PTCSC3: variants seen among roughly 807,000 people sequenced by gnomAD.
The protein encoded by PTCSC3 is papillary thyroid carcinoma susceptibility candidate 3, also known as papillary thyroid carcinoma susceptibility candidate 3 (non-protein coding).
intron 1 of PTCSC3, among the ~76,000 whole-genome samples, chr14:36,172,352 A>T (rs1882207117): frequency 1.3e-5 from 2 of 152,158 alleles, no homozygotes; most frequent in Admixed American, 1.3e-4. Context: ...ATTAGAATTT[A>T]AAAATTTGTA....
At chr14:36,175,342 A>G (rs1051770626) in intron 1 of PTCSC3, among the ~76,000 whole-genome samples, 3 of 152,100 alleles carry the variant, frequency 2.0e-5, no homozygotes, top group Non-Finnish European at 4.4e-5. Flanking sequence ...GATGCTTCAC[A>G]TATTCTGTCC....
At chr14:36,156,158 C>T (rs925133996) in intron 2 of PTCSC3, among the ~76,000 whole-genome samples, 8 of 152,164 alleles carry the variant, frequency 5.3e-5, no homozygotes, top group Non-Finnish European at 8.8e-5. Flanking sequence ...TGTACATCAC[C>T]GTACGTCTCT....
At chr14:36,148,406 G>C (rs963786465) in intron 3 of PTCSC3, among the ~76,000 whole-genome samples, 2 of 152,208 alleles carry the variant, frequency 1.3e-5, no homozygotes, top group Admixed American at 1.3e-4. Context: ...GCAGTATTCG[G>C]GTGGGAGTGA....
chr14:36,153,336 C>A (rs1374503325), intron 3 of PTCSC3, among the ~76,000 whole-genome samples: 3 of 152,200 alleles, frequency 2.0e-5, no homozygotes, highest in Non-Finnish European at 4.4e-5. Flanking sequence ...TAGTGTACAA[C>A]AATATCCAAA....
At chr14:36,159,046 T>TGTTTAAA (rs138567067) in intron 2 of PTCSC3, among the ~76,000 whole-genome samples, 27,095 of 151,988 alleles carry the variant, frequency 0.18, 3,166 homozygotes, top group Non-Finnish European at 0.26. Context: ...TGCATAGAGG[T>TGTTTAAA]GTTTAAAGTA....
intron 2 of PTCSC3, among the ~76,000 whole-genome samples, chr14:36,159,944 CT>C (rs1289761307): frequency 6.6e-6 from 1 of 152,144 alleles, no homozygotes; most frequent in Non-Finnish European, 1.5e-5. Context: ...ATAGTTAGCT[CT>C]TCTTGTTGAA....
At chr14:36,146,899 T>C (rs1279346526) in intron 3 of PTCSC3, among the ~76,000 whole-genome samples, 1 of 152,240 alleles carries the variant, frequency 6.6e-6, no homozygotes, top group Admixed American at 6.5e-5. Flanking sequence ...CTGTAAAGTA[T>C]TTTATTTCTC....
intron 3 of PTCSC3, among the ~76,000 whole-genome samples, chr14:36,143,828 T>G (rs1367979276): frequency 6.9e-6 from 1 of 145,432 alleles, no homozygotes; most frequent in African/African-American, 2.5e-5. Flanking sequence ...CTTGAATTGA[T>G]TTTTGTATAA....
At chr14:36,158,451 T>G (rs1372185175) in intron 2 of PTCSC3, among the ~76,000 whole-genome samples, 1 of 152,042 alleles carries the variant, frequency 6.6e-6, no homozygotes, top group South Asian at 2.1e-4. Context: ...TCATTGAGAG[T>G]TTTTAGCATG....
At chr14:36,163,207 T>C (rs910223761) in intron 1 of PTCSC3, among the ~76,000 whole-genome samples, 1 of 151,956 alleles carries the variant, frequency 6.6e-6, no homozygotes, top group Non-Finnish European at 1.5e-5. Flanking sequence ...AGTCCATCTC[T>C]AAAAACAATA....
chr14:36,158,057 C>A (rs2139103420), intron 2 of PTCSC3, among the ~76,000 whole-genome samples: 1 of 151,804 alleles, frequency 6.6e-6, no homozygotes, highest in East Asian at 1.9e-4. Flanking sequence ...GGCTGTTTTT[C>A]TATTATTGGT....
At chr14:36,171,209 T>C (rs1468436047) in intron 1 of PTCSC3, among the ~76,000 whole-genome samples, 1 of 152,170 alleles carries the variant, frequency 6.6e-6, no homozygotes, top group Non-Finnish European at 1.5e-5. Flanking sequence ...CTTTTTACCT[T>C]CTTTCCTATT....
chr14:36,165,722 C>CT lies in PTCSC3; in HGVS notation n.172-3040dup, dbSNP rs71448056. 7.7e-3 allele frequency among the ~76,000 whole-genome samples: 964 copies of CT among 124,782 alleles called. 17 individuals carry two copies. The highest frequency in any genetic ancestry group is 0.05 in the East Asian group (215 of 4,328). The allele number at this position is 124,782 out of a possible 152,430, so 81.9% of individuals were successfully genotyped here. On this transcript the variant is annotated intron_variant and non_coding_transcript_variant, in intron 1 of 3. Transcript: ENST00000556013. ...GTATTTCCTGATCTATTTATTTTTC[C>CT]TTTTTTTTTTTTTTTTTTGTAGGAA...
chr14:36,149,483 A>G (rs1056693444), intron 3 of PTCSC3, among the ~76,000 whole-genome samples: 1 of 152,182 alleles, frequency 6.6e-6, no homozygotes, highest in Admixed American at 6.5e-5. Flanking sequence ...TAAAAATGTC[A>G]ATTAAATCCA....
downstream of PTCSC3, chr14:36,135,961 C>T (rs1881278259): frequency 6.6e-6 from 1 of 151,754 alleles, no homozygotes; most frequent in African/African-American, 2.4e-5. Flanking sequence ...TAAGTATTAA[C>T]TCACATGATC....
chr14:36,140,036 C>G (rs1952713), intron 3 of PTCSC3, among the ~76,000 whole-genome samples: 17,928 of 152,112 alleles, frequency 0.12, 1,246 homozygotes, highest in Middle Eastern at 0.19. Flanking sequence ...CCTTTTTATT[C>G]CCTCTATTGT....
intron 1 of PTCSC3, among the ~76,000 whole-genome samples, chr14:36,173,119 A>G (rs1441072201): frequency 1.3e-5 from 2 of 152,166 alleles, no homozygotes; most frequent in Admixed American, 6.5e-5. Context: ...GTCTTGTGCT[A>G]TCTATTTATA....
chr14:36,146,737 G>T (rs955380311), intron 3 of PTCSC3, among the ~76,000 whole-genome samples: 2 of 152,026 alleles, frequency 1.3e-5, no homozygotes, highest in African/African-American at 2.4e-5. Context: ...CTCGTTAGTT[G>T]ATGCAGTTTC....
intron 3 of PTCSC3, among the ~76,000 whole-genome samples, chr14:36,148,001 G>A (rs970124399): frequency 6.6e-6 from 1 of 152,326 alleles, no homozygotes; most frequent in Non-Finnish European, 1.5e-5. Flanking sequence ...GGACCCCCTT[G>A]AGGAGGCAGT....
Sources: gnomAD v4.1 joint callset for allele counts (sites outside exome capture counted in the v4.1 genomes callset) on GRCh38, gnomAD v4.1.1 for gene constraint, MANE v1.5 for transcripts, NCBI Gene and HGNC (gene_info 2026-07-23, HGNC 2026-07-21) for gene names.